The following PTPRD variants were observed in gnomAD, a reference collection of about 807,000 sequenced individuals.
PTPRD encodes protein tyrosine phosphatase receptor type D.
PTPRD carries 34 observed loss-of-function variants against 214.5 expected under a neutral mutation model. The observed-to-expected ratio is 0.16, with a 90% CI of 0.12 to 0.21. The LOEUF (loss-of-function observed/expected upper bound fraction) is 0.21, where lower values mean the gene tolerates loss of function less well. PTPRD is among the 10% of genes least tolerant of loss of function. PTPRD has a pLI of 1.00. For synonymous variants in PTPRD, 1,128 were observed against 845.7 expected, an observed-to-expected ratio of 1.33 and a Z score of -5.79; for missense variants, 2,545 against 2,398.7, an observed-to-expected ratio of 1.06 and a Z score of -1.27.
At chr9:9,190,290 G>A (rs1048510963) in intron 9 of PTPRD, among the ~76,000 whole-genome samples, 1 of 152,024 alleles carries the variant, frequency 6.6e-6, no homozygotes, top group Non-Finnish European at 1.5e-5. Context: ...AATTTGAATT[G>A]TATCTCCCAG....
intron 9 of PTPRD, among the ~76,000 whole-genome samples, chr9:9,296,110 G>T (rs1302432047): frequency 6.6e-6 from 1 of 151,686 alleles, no homozygotes; most frequent in African/African-American, 2.4e-5. Flanking sequence ...TACCAATCAT[G>T]GCCAGTTAAT....
chr9:10,044,735 T>C (rs1320077441), intron 3 of PTPRD, among the ~76,000 whole-genome samples: 1 of 151,772 alleles, frequency 6.6e-6, no homozygotes, highest in Non-Finnish European at 1.5e-5. Context: ...GAGCTGAGAC[T>C]GGAACCCAAA....
chr9:9,025,828 A>G (rs2099585165), intron 10 of PTPRD, among the ~76,000 whole-genome samples: 1 of 152,058 alleles, frequency 6.6e-6, no homozygotes, highest in South Asian at 2.1e-4. Context: ...CTGCGTGATT[A>G]GAAAAAAATG....
intron 10 of PTPRD, among the ~76,000 whole-genome samples, chr9:9,109,351 G>A (rs1458228196): frequency 6.6e-6 from 1 of 152,158 alleles, no homozygotes; most frequent in Admixed American, 6.6e-5. Flanking sequence ...TGGTCATGAA[G>A]AGAGGCTATG....
chr9:9,260,396 C>T (rs1488197067), intron 9 of PTPRD, among the ~76,000 whole-genome samples: 1 of 151,988 alleles, frequency 6.6e-6, no homozygotes, highest in African/African-American at 2.4e-5. Context: ...TTACCTATTT[C>T]TACCTCTGGG....
intron 3 of PTPRD, among the ~76,000 whole-genome samples, chr9:10,327,892 T>C (rs1370124788): frequency 6.6e-6 from 1 of 151,788 alleles, no homozygotes. Context: ...CTTTGATACC[T>C]ATTTGAAAGA....
At position 9,438,137 on chromosome 9, in the gene PTPRD, C is replaced by T. The variant is rs889200792; in HGVS notation, c.-236-40655G>A. 3.3e-5 allele frequency among the ~76,000 whole-genome samples: 5 copies of T among 152,236 alleles called. No individual in the cohort carries two copies. The East Asian group carries it at 5.8e-4, about 18-fold the overall frequency. On this transcript the variant is annotated intron_variant, in intron 8 of 45. Transcript: ENST00000381196. ...CAGTTATACTGGAGTAGAGCTCAAC[C>T]TAATAAATTCACTTTCACTTGATAA...
chr9:9,385,151 C>T (rs2063499365), intron 9 of PTPRD, among the ~76,000 whole-genome samples: 1 of 151,998 alleles, frequency 6.6e-6, no homozygotes, highest in South Asian at 2.1e-4. Flanking sequence ...ATAATGAACC[C>T]ACATGTTCTG....
intron 22 of PTPRD, among the ~76,000 whole-genome samples, chr9:8,506,876 A>G (rs889064321): frequency 1.3e-5 from 2 of 152,200 alleles, no homozygotes; most frequent in African/African-American, 4.8e-5. Flanking sequence ...CCAGGGTGGA[A>G]AAATTCATCT....
chr9:10,519,367 T>A (rs1245054275), intron 2 of PTPRD, among the ~76,000 whole-genome samples: 1 of 151,606 alleles, frequency 6.6e-6, no homozygotes, highest in Non-Finnish European at 1.5e-5. Flanking sequence ...ATATATGTAC[T>A]GTTACTAAGA....
intron 6 of PTPRD, among the ~76,000 whole-genome samples, chr9:9,743,862 C>T (rs1248178659): frequency 1.3e-5 from 2 of 151,570 alleles, no homozygotes; most frequent in Non-Finnish European, 2.9e-5. Flanking sequence ...GAATTTTTAT[C>T]CAAGAAGAAA....
chr9:10,492,218 G>T (rs146953569), intron 2 of PTPRD, among the ~76,000 whole-genome samples: 26,298 of 152,022 alleles, frequency 0.17, 2,746 homozygotes, highest in East Asian at 0.35. Flanking sequence ...AATCTTTTGG[G>T]TATATACCCA....
chr9:9,127,951 GTCC>G (rs1197347570), intron 10 of PTPRD, among the ~76,000 whole-genome samples: 1 of 152,144 alleles, frequency 6.6e-6, no homozygotes, highest in Non-Finnish European at 1.5e-5. Context: ...CAAGCTCTCT[GTCC>G]TCCTACTTCT....
intron 3 of PTPRD, among the ~76,000 whole-genome samples, chr9:10,116,127 T>C (rs890804444): frequency 6.6e-6 from 1 of 152,108 alleles, no homozygotes; most frequent in Non-Finnish European, 1.5e-5. Flanking sequence ...AAAAACATAA[T>C]TGCTTTTTTT....
chr9:8,790,151 G>A (rs1421857977), intron 11 of PTPRD, among the ~76,000 whole-genome samples: 4 of 151,750 alleles, frequency 2.6e-5, no homozygotes, highest in Admixed American at 2.0e-4. Context: ...TGAATAGCTG[G>A]GACTACAGGC....
intron 8 of PTPRD, among the ~76,000 whole-genome samples, chr9:9,563,944 T>C (rs1198996650): frequency 6.6e-6 from 1 of 152,110 alleles, no homozygotes; most frequent in Admixed American, 6.6e-5. Context: ...TCAAACCAAA[T>C]GGGCATATGA....
intron 8 of PTPRD, among the ~76,000 whole-genome samples, chr9:9,542,416 C>T (rs189433403): frequency 9.2e-4 from 139 of 151,666 alleles, no homozygotes; most frequent in Admixed American, 2.0e-3. Context: ...GACACAAAAG[C>T]TCTTACCTTT....
intron 3 of PTPRD, among the ~76,000 whole-genome samples, chr9:10,187,942 A>G (rs1366405701): frequency 6.6e-6 from 1 of 152,144 alleles, no homozygotes; most frequent in Non-Finnish European, 1.5e-5. Context: ...GGCAGTTTTC[A>G]GTTTTCTCTT....
chr9:8,709,873 G>A (rs1233344337), intron 12 of PTPRD, among the ~76,000 whole-genome samples: 2 of 152,138 alleles, frequency 1.3e-5, no homozygotes, highest in South Asian at 2.1e-4. Flanking sequence ...CAATAAAGAT[G>A]GGCAAATGAA....
Sources: allele counts gnomAD v4.1 joint callset (sites outside exome capture counted in the v4.1 genomes callset), GRCh38; gene constraint gnomAD v4.1.1; transcripts MANE v1.5; gene names NCBI Gene and HGNC (gene_info 2026-07-23, HGNC 2026-07-21).